Variants in TAFA2 observed in about 807,000 individuals in gnomAD.
TAFA2 encodes the protein chemokine-like protein TAFA-2.
In TAFA2, 7 loss-of-function variants were observed where a neutral mutation model predicts 18.8. The observed-to-expected ratio is 0.37, with a 90% CI of 0.21 to 0.70. TAFA2 has a LOEUF of 0.70. Among genes scored for constraint, TAFA2 ranks in the 30% least tolerant of loss-of-function variants. TAFA2 has a pLI of 0.53. For synonymous variants in TAFA2, 60 were observed against 54.2 expected (o/e 1.11, Z -0.47); for missense variants, 122 against 158.1 (o/e 0.77, Z 1.23).
chr12:61,752,281 C>G (rs911633579), intron 4 of TAFA2, among the ~76,000 whole-genome samples: 1 of 151,922 alleles, frequency 6.6e-6, no homozygotes, highest in African/African-American at 2.4e-5. Flanking sequence ...CCCTTGTTCA[C>G]TGAAGTAATA....
At chr12:61,733,103 A>T (rs1392803081) in intron 4 of TAFA2, among the ~76,000 whole-genome samples, 1 of 151,922 alleles carries the variant, frequency 6.6e-6, no homozygotes, top group Non-Finnish European at 1.5e-5. Flanking sequence ...TCCTTCGCCC[A>T]CTTTTTGATG....
At chr12:61,879,099 G>A (rs933262415) in intron 1 of TAFA2, among the ~76,000 whole-genome samples, 1 of 152,220 alleles carries the variant, frequency 6.6e-6, no homozygotes, top group Non-Finnish European at 1.5e-5. Flanking sequence ...CATAAGGACA[G>A]AAGTTGGAGG....
upstream of TAFA2, among the ~76,000 whole-genome samples, chr12:62,195,156 C>A (rs1469642028): frequency 2.0e-5 from 3 of 152,206 alleles, no homozygotes; most frequent in Non-Finnish European, 2.9e-5. Flanking sequence ...CAAAAGATTT[C>A]TCTGTAACAT....
intron 1 of TAFA2, among the ~76,000 whole-genome samples, chr12:61,951,976 C>T (rs1021374471): frequency 6.6e-6 from 1 of 152,040 alleles, no homozygotes; most frequent in Admixed American, 6.6e-5. Context: ...TACCAAAGAT[C>T]GCCAAGCCCA....
intron 1 of TAFA2, among the ~76,000 whole-genome samples, chr12:62,068,849 C>A (rs2136800333): frequency 6.6e-6 from 1 of 152,204 alleles, no homozygotes; most frequent in East Asian, 1.9e-4. Flanking sequence ...CATAGACAAT[C>A]ATTTAAAAGT....
intron 1 of TAFA2, chr12:62,145,452 AC>A (rs1224990820): frequency 6.6e-6 from 1 of 151,920 alleles, no homozygotes; most frequent in Non-Finnish European, 1.5e-5. Flanking sequence ...CATCCTCCGC[AC>A]CCCCGTCCGT....
intron 2 of TAFA2, among the ~76,000 whole-genome samples, chr12:61,756,014 A>G (rs1324290478): frequency 6.6e-6 from 1 of 152,112 alleles, no homozygotes; most frequent in Non-Finnish European, 1.5e-5. Flanking sequence ...AAAGCAGGAG[A>G]TCTTAAGTTG....
chr12:61,917,071 C>T (rs1027342852), intron 1 of TAFA2, among the ~76,000 whole-genome samples: 2 of 152,072 alleles, frequency 1.3e-5, no homozygotes, highest in Admixed American at 1.3e-4. Flanking sequence ...CCAATCCTGC[C>T]ATTTGAATAT....
At chr12:61,973,796 C>A (rs550222326) in intron 1 of TAFA2, among the ~76,000 whole-genome samples, 3 of 151,702 alleles carry the variant, frequency 2.0e-5, no homozygotes, top group Admixed American at 6.6e-5. Context: ...CCTGGCTACA[C>A]CCAAGACTGG....
At chr12:61,900,166 A>G (rs1876035646) in intron 1 of TAFA2, among the ~76,000 whole-genome samples, 1 of 152,240 alleles carries the variant, frequency 6.6e-6, no homozygotes, top group Admixed American at 6.5e-5. Context: ...AACTAGAAGT[A>G]TTCCTATACA....
At chr12:62,073,008 G>A (rs1276000588) in intron 1 of TAFA2, among the ~76,000 whole-genome samples, 1 of 152,194 alleles carries the variant, frequency 6.6e-6, no homozygotes, top group African/African-American at 2.4e-5. Flanking sequence ...TAAAGCCAGT[G>A]AAACCTTTAA....
At chr12:62,187,980 T>C (rs183297988) in intron 1 of TAFA2, among the ~76,000 whole-genome samples, 6 of 152,336 alleles carry the variant, frequency 3.9e-5, no homozygotes. Flanking sequence ...TTCACCATAT[T>C]ACATGGCATT....
intron 1 of TAFA2, among the ~76,000 whole-genome samples, chr12:62,077,856 G>A (rs1445564042): frequency 6.6e-6 from 1 of 152,042 alleles, no homozygotes; most frequent in Admixed American, 6.6e-5. Context: ...AAGCTCTCAA[G>A]CCTTATTTTT....
At chr12:62,114,841 A>T (rs1869891304) in intron 1 of TAFA2, among the ~76,000 whole-genome samples, 1 of 152,220 alleles carries the variant, frequency 6.6e-6, no homozygotes, top group Admixed American at 6.5e-5. Flanking sequence ...ATATTTGTAC[A>T]GGTTGCTTTT....
chr12:61,731,667 A>C (rs1870457212), intron 4 of TAFA2, among the ~76,000 whole-genome samples: 1 of 152,070 alleles, frequency 6.6e-6, no homozygotes, highest in South Asian at 2.1e-4. Context: ...ATTCTGTGAG[A>C]TAGTCCCCAT....
chr12:61,757,936 T>A (rs549473659), intron 2 of TAFA2, among the ~76,000 whole-genome samples: 2 of 152,174 alleles, frequency 1.3e-5, no homozygotes, highest in South Asian at 4.1e-4. Context: ...TACTTGATCT[T>A]GGTACGTTAT....
intron 1 of TAFA2, among the ~76,000 whole-genome samples, chr12:62,222,570 C>A (rs576490764): frequency 6.6e-6 from 1 of 151,856 alleles, no homozygotes; most frequent in Non-Finnish European, 1.5e-5. Flanking sequence ...TGCCGTGATG[C>A]GATCTCGGCT....
intron 1 of TAFA2, among the ~76,000 whole-genome samples, chr12:62,244,287 AAGAT>A (rs2062875251): frequency 1.3e-5 from 2 of 151,198 alleles, no homozygotes; most frequent in South Asian, 2.1e-4. Flanking sequence ...CGGAAGAACA[AAGAT>A]AGATATATAA....
At chr12:62,176,430 T>C (rs916996415) in intron 1 of TAFA2, among the ~76,000 whole-genome samples, 2 of 151,486 alleles carry the variant, frequency 1.3e-5, no homozygotes, top group Non-Finnish European at 2.9e-5. Context: ...AACCCATTTC[T>C]TACACAGCAA....
Sources: gnomAD v4.1 joint callset for allele counts (sites outside exome capture counted in the v4.1 genomes callset) on GRCh38, gnomAD v4.1.1 for gene constraint, MANE v1.5 for transcripts, NCBI Gene and HGNC (gene_info 2026-07-23, HGNC 2026-07-21) for gene names.